MEF2C: variants seen among roughly 807,000 people sequenced by gnomAD.
MEF2C encodes the protein myocyte enhancer factor 2C.
A neutral mutation model predicts 50.5 loss-of-function variants in MEF2C; 6 were observed. The observed-to-expected ratio is 0.12, with a 90% CI of 0.07 to 0.23. MEF2C has a LOEUF of 0.23. MEF2C is among the 10% of genes least tolerant of loss of function. MEF2C has a pLI of 1.00. For missense variants in MEF2C, 276 were observed against 605.0 expected, an observed-to-expected ratio of 0.46 and a Z score of 5.70; for synonymous variants, 183 against 228.0, an observed-to-expected ratio of 0.80 and a Z score of 1.78.
intron 8 of MEF2C, 124 bp from the exon 9 acceptor site, chr5:88,729,471 A>G: frequency 1.1e-6 from 1 of 910,042 alleles, no homozygotes; most frequent in Non-Finnish European, 1.7e-6. Flanking sequence ...TTAATCATTT[A>G]ACATGTGTCT....
At chr5:88,843,252 T>A in intron 1 of MEF2C, 1 of 765,958 alleles carries the variant, frequency 1.3e-6, no homozygotes, top group Non-Finnish European at 1.6e-6. Flanking sequence ...AAAGCATTTC[T>A]ATTTCTATTT....
intron 5 of MEF2C, chr5:88,750,029 C>CA (rs939899971): frequency 0.062 from 17,569 of 281,950 alleles, no homozygotes; most frequent in Non-Finnish European, 0.076. Context: ...GACTCCGTCT[C>CA]AAAAAAAAAA....
intron 10 of MEF2C, among the ~76,000 whole-genome samples, chr5:88,723,719 C>T (rs919070365): frequency 2.6e-5 from 4 of 152,210 alleles, no homozygotes; most frequent in Admixed American, 6.5e-5. Flanking sequence ...CTCCCTGATG[C>T]GTGCGGTTCT....
At chr5:88,903,619 A>G (rs1835886589) in intron 1 of MEF2C, among the ~76,000 whole-genome samples, 2 of 152,178 alleles carry the variant, frequency 1.3e-5, no homozygotes, top group Non-Finnish European at 2.9e-5. Context: ...TGTGTGTTAA[A>G]TCGTGTAATA....
chr5:88,818,124 T>C (rs1215427377), intron 2 of MEF2C, among the ~76,000 whole-genome samples: 1 of 151,964 alleles, frequency 6.6e-6, no homozygotes, highest in Non-Finnish European at 1.5e-5. Flanking sequence ...AAATGATAAA[T>C]GTTTGAGATG....
At chr5:88,903,722 A>ATCTTGTTT in intron 1 of MEF2C, among the ~76,000 whole-genome samples, 1 of 152,202 alleles carries the variant, frequency 6.6e-6, no homozygotes, top group East Asian at 1.9e-4. Flanking sequence ...TTAAACCTAA[A>ATCTTGTTT]AAAAAAACCT....
At chr5:88,791,748 G>A (rs959228833) in intron 3 of MEF2C, among the ~76,000 whole-genome samples, 1 of 151,926 alleles carries the variant, frequency 6.6e-6, no homozygotes, top group Non-Finnish European at 1.5e-5. Flanking sequence ...TCTTCTTTAA[G>A]ACTTTGGGGA....
At chr5:88,752,840 G>T in intron 4 of MEF2C, 2 of 824,612 alleles carry the variant, frequency 2.4e-6, no homozygotes, top group Non-Finnish European at 2.9e-6. Context: ...TTATGTTTCT[G>T]CTGTACTAAC....
chr5:88,734,577 T>TTG lies in MEF2C; in HGVS notation c.638-2677_638-2676insCA, dbSNP rs1763238866. On this transcript the variant is annotated intron_variant, in intron 6 of 10. Coordinates refer to ENST00000504921, the MANE Select transcript of MEF2C (RefSeq NM_002397.5). ...TTGAGAAAAGTTTGTTTTTTTTTTT[T>TTG]TTTTTTTTTTTTTTTTTTTTTAGCA... 6 of 921,944 alleles carry TTG rather than the reference T, an allele frequency of 6.5e-6. No individual in the cohort carries two copies. In the African/African-American group the frequency reaches 7.6e-5, roughly 12 times the overall value. 57.1% of individuals were successfully genotyped at this position (921,944 alleles called of 1,614,324 possible). A position where few individuals can be genotyped will look rare whatever the true frequency, so the allele number is the denominator to read the frequency against.
chr5:88,872,765 T>A (rs1002183576), intron 1 of MEF2C, among the ~76,000 whole-genome samples: 6 of 152,004 alleles, frequency 3.9e-5, no homozygotes, highest in African/African-American at 1.2e-4. Flanking sequence ...TACTGGGGCT[T>A]TCTGGTCATT....
chr5:88,775,055 A>G lies in MEF2C; in HGVS notation c.259-13727T>C, dbSNP rs1176545900. ...CTGGGCCCTGGGAATTTCATAATTTAATGTAAATTTCAAGTTTGCTAATTA... is the reference window on the plus strand; with the variant it reads ...CTGGGCCCTGGGAATTTCATAATTTGATGTAAATTTCAAGTTTGCTAATTA... On this transcript the variant is annotated intron_variant, in intron 3 of 10. Transcript: ENST00000504921. Among the ~76,000 whole-genome samples the G allele has an allele frequency of 5.3e-5, 8 of 152,312 alleles. No homozygotes were observed. The South Asian group carries it at 1.4e-3, about 28-fold the overall frequency.
At chr5:88,774,661 C>G (rs998596691) in intron 3 of MEF2C, among the ~76,000 whole-genome samples, 3 of 152,138 alleles carry the variant, frequency 2.0e-5, no homozygotes, top group Non-Finnish European at 4.4e-5. Context: ...TCCATTTATC[C>G]TCTGTAGCTG....
At chr5:88,776,628 A>C (rs1784887614) in intron 3 of MEF2C, among the ~76,000 whole-genome samples, 1 of 152,182 alleles carries the variant, frequency 6.6e-6, no homozygotes, top group Non-Finnish European at 1.5e-5. Context: ...AAAATACTGG[A>C]AGGGGGAGAG....
intron 10 of MEF2C, among the ~76,000 whole-genome samples, chr5:88,724,137 A>G (rs1168381359): frequency 6.6e-6 from 1 of 152,212 alleles, no homozygotes; most frequent in Non-Finnish European, 1.5e-5. Context: ...GTGAAGAATT[A>G]TCCATACAGA....
chr5:88,755,322 T>C (rs575851349), intron 4 of MEF2C, among the ~76,000 whole-genome samples: 13 of 152,314 alleles, frequency 8.5e-5, no homozygotes, highest in African/African-American at 3.1e-4. Flanking sequence ...TGACCATAGA[T>C]ATAATTCTTT....
intron 6 of MEF2C, chr5:88,747,942 C>T: frequency 1.8e-6 from 1 of 563,854 alleles, no homozygotes; most frequent in Non-Finnish European, 2.2e-6. Context: ...ATTTCCATGT[C>T]CAGCAAAATA....
At chr5:88,902,594 T>C (rs1267171871) in intron 1 of MEF2C, among the ~76,000 whole-genome samples, 1 of 151,204 alleles carries the variant, frequency 6.6e-6, no homozygotes, top group Non-Finnish European at 1.5e-5. Flanking sequence ...ATCCATGTCG[T>C]CACTGATTTA....
intron 6 of MEF2C, among the ~76,000 whole-genome samples, chr5:88,746,200 G>A (rs1189772223): frequency 2.6e-5 from 4 of 152,120 alleles, no homozygotes; most frequent in African/African-American, 9.7e-5. Context: ...AGCAGTCCTG[G>A]GGAGACTGAA....
chr5:88,793,285 G>A (rs894039167), intron 3 of MEF2C, among the ~76,000 whole-genome samples: 4 of 152,134 alleles, frequency 2.6e-5, no homozygotes, highest in Non-Finnish European at 5.9e-5. Flanking sequence ...GCTTGGAGAG[G>A]TTGAGGAATG....
Sources: allele counts gnomAD v4.1 joint callset (sites outside exome capture counted in the v4.1 genomes callset), GRCh38; gene constraint gnomAD v4.1.1; transcripts MANE v1.5; gene names NCBI Gene and HGNC (gene_info 2026-07-23, HGNC 2026-07-21).